Variants in KCND2 observed in about 807,000 individuals in gnomAD.
The protein encoded by KCND2 is potassium voltage-gated channel subfamily D member 2.
In KCND2, 16 loss-of-function variants were observed where a neutral mutation model predicts 54.4. That is an observed-to-expected ratio of 0.29 (90% CI 0.20 to 0.45). The LOEUF (loss-of-function observed/expected upper bound fraction) is 0.45. Ranked by LOEUF, KCND2 falls within the 20% of genes least tolerant of loss-of-function variation. The pLI, the probability that KCND2 is intolerant of heterozygous loss-of-function variation, is 1.00. For synonymous variants in KCND2, 317 were observed against 310.7 expected (o/e 1.02, Z -0.21); for missense variants, 486 against 824.2 (o/e 0.59, Z 5.02).
intron 1 of KCND2, among the ~76,000 whole-genome samples, chr7:120,578,622 T>C (rs942551890): frequency 6.6e-6 from 1 of 152,124 alleles, no homozygotes; most frequent in Non-Finnish European, 1.5e-5. Context: ...ATCTCAGCAC[T>C]TTGGGGACCA....
chr7:120,420,617 AG>A (rs1336381692), intron 1 of KCND2, among the ~76,000 whole-genome samples: 1 of 152,244 alleles, frequency 6.6e-6, no homozygotes, highest in South Asian at 2.1e-4. Context: ...GGTGAGGAGT[AG>A]GGGGAAGGGG....
At chr7:120,440,492 G>C (rs1249671230) in intron 1 of KCND2, among the ~76,000 whole-genome samples, 1 of 151,804 alleles carries the variant, frequency 6.6e-6, no homozygotes, top group Non-Finnish European at 1.5e-5. Flanking sequence ...TTTTAGTTTG[G>C]TGTAATCCCA....
chr7:120,687,367 C>A (rs1176075047), intron 1 of KCND2, among the ~76,000 whole-genome samples: 1 of 152,080 alleles, frequency 6.6e-6, no homozygotes, highest in African/African-American at 2.4e-5. Context: ...ATAACATAGG[C>A]AACAGTACCG....
intron 1 of KCND2, among the ~76,000 whole-genome samples, chr7:120,292,671 A>G (rs1317001469): frequency 6.6e-6 from 1 of 151,900 alleles, no homozygotes; most frequent in Non-Finnish European, 1.5e-5. Context: ...ATTTTTATCA[A>G]GTTTTAAAAA....
chr7:120,630,887 A>G (rs1383553758), intron 1 of KCND2, among the ~76,000 whole-genome samples: 1 of 152,200 alleles, frequency 6.6e-6, no homozygotes, highest in Middle Eastern at 3.2e-3. Flanking sequence ...GAAATTAGGT[A>G]TATGTGCCTG....
chr7:120,509,741 G>T (rs550529457), intron 1 of KCND2, among the ~76,000 whole-genome samples: 1 of 151,980 alleles, frequency 6.6e-6, no homozygotes, highest in South Asian at 2.1e-4. Flanking sequence ...AGAGTTTTCC[G>T]TTGCAAAATT....
At chr7:120,717,251 G>A (rs989560537) in intron 1 of KCND2, among the ~76,000 whole-genome samples, 6 of 152,024 alleles carry the variant, frequency 3.9e-5, no homozygotes, top group East Asian at 1.9e-4. Flanking sequence ...AAACCATGAC[G>A]ATGTCAATGG....
chr7:120,278,789 T>G (rs1022257920), intron 1 of KCND2, among the ~76,000 whole-genome samples: 40 of 151,800 alleles, frequency 2.6e-4, no homozygotes, highest in Non-Finnish European at 1.2e-4. Context: ...TTAAAAATAG[T>G]TTTCAGGCTA....
At chr7:120,390,932 G>T (rs1025968959) in intron 1 of KCND2, among the ~76,000 whole-genome samples, 4 of 152,084 alleles carry the variant, frequency 2.6e-5, no homozygotes, top group Middle Eastern at 3.4e-3. Flanking sequence ...TAAGTTCTGG[G>T]ATACATGTGC....
chr7:120,467,361 T>C (rs1333246244), intron 1 of KCND2, among the ~76,000 whole-genome samples: 1 of 152,118 alleles, frequency 6.6e-6, no homozygotes, highest in African/African-American at 2.4e-5. Context: ...ACAGAATCAG[T>C]GTCCTTAAGA....
chr7:120,405,446 CAAGA>C (rs1464771580), intron 1 of KCND2, among the ~76,000 whole-genome samples: 1 of 152,026 alleles, frequency 6.6e-6, no homozygotes, highest in Non-Finnish European at 1.5e-5. Context: ...AGCTTAGAAA[CAAGA>C]AAGAGTTATG....
intron 1 of KCND2, among the ~76,000 whole-genome samples, chr7:120,562,131 A>C (rs1792243774): frequency 6.6e-6 from 1 of 152,132 alleles, no homozygotes; most frequent in Admixed American, 6.5e-5. Context: ...TTATAAGCGC[A>C]AGAGGACAAG....
intron 1 of KCND2, among the ~76,000 whole-genome samples, chr7:120,589,138 A>G (rs749162119): frequency 7.9e-5 from 12 of 152,206 alleles, no homozygotes; most frequent in Non-Finnish European, 1.6e-4. Flanking sequence ...GTCATGCAAT[A>G]GCTATAGACT....
intron 1 of KCND2, among the ~76,000 whole-genome samples, chr7:120,426,924 G>A (rs532993696): frequency 1.3e-5 from 2 of 152,050 alleles, no homozygotes; most frequent in Non-Finnish European, 2.9e-5. Flanking sequence ...CCGGCCCAAC[G>A]TACTTTTTAT....
intron 1 of KCND2, among the ~76,000 whole-genome samples, chr7:120,492,262 G>T (rs746955979): frequency 3.9e-5 from 6 of 151,988 alleles, no homozygotes; most frequent in Non-Finnish European, 8.8e-5. Context: ...TAGAAAGAAA[G>T]TCTTAAGGTA....
At position 120,737,060 on chromosome 7, in the gene KCND2, ACACAC is replaced by A. The variant is rs1300567094; in HGVS notation, c.1278+3996_1278+4000del. Among the ~76,000 whole-genome samples the A allele has an allele frequency of 5.0e-4, 73 of 144,656 alleles. 1 individual carries two copies. The highest frequency in any genetic ancestry group is 1.9e-3 in the African/African-American group (73 of 38,374). The allele number at this position is 144,656 out of a possible 152,430, so 94.9% of individuals were successfully genotyped here. On this transcript the variant is annotated intron_variant, in intron 2 of 5. Coordinates refer to ENST00000331113, the MANE Select transcript of KCND2 (RefSeq NM_012281.3). The stretch of plus-strand genomic sequence containing the variant: ...TACACACACACACACACACACACAC[ACACAC>A]ACACACACACAAACAAAAAAAAAAA...
chr7:120,428,978 C>T (rs557601688), intron 1 of KCND2, among the ~76,000 whole-genome samples: 35 of 152,144 alleles, frequency 2.3e-4, no homozygotes, highest in Middle Eastern at 3.4e-3. Context: ...GAGATGTTGC[C>T]GGGTCCTAAG....
intron 1 of KCND2, among the ~76,000 whole-genome samples, chr7:120,362,178 G>T (rs1050673952): frequency 4.6e-5 from 7 of 152,186 alleles, no homozygotes; most frequent in Middle Eastern, 3.4e-3. Flanking sequence ...AAATCTTAAA[G>T]AATGTTTTTC....
chr7:120,666,883 C>G (rs4730971), intron 1 of KCND2, among the ~76,000 whole-genome samples: 2 of 151,744 alleles, frequency 1.3e-5, no homozygotes, highest in Non-Finnish European at 2.9e-5. Flanking sequence ...GGAAATTAAG[C>G]GTAAAGAAAT....
Sources: allele counts gnomAD v4.1 joint callset (sites outside exome capture counted in the v4.1 genomes callset), GRCh38; gene constraint gnomAD v4.1.1; transcripts MANE v1.5; gene names NCBI Gene and HGNC (gene_info 2026-07-23, HGNC 2026-07-21).